SFT2D1: variants seen among roughly 807,000 people sequenced by gnomAD.
SFT2D1 encodes vesicle transport protein SFT2A.
A neutral mutation model predicts 28.1 loss-of-function variants in SFT2D1; 24 were observed. The ratio of observed to expected loss-of-function variants is 0.85; its 90% confidence interval spans 0.62 to 1.20. SFT2D1 has a LOEUF of 1.20. Among genes scored for constraint, SFT2D1 ranks in the 50% most tolerant of loss-of-function variants. The pLI is 0.00. For synonymous variants in SFT2D1, 82 were observed against 73.7 expected (o/e 1.11, Z -0.58); for missense variants, 181 against 190.9 (o/e 0.95, Z 0.31).
At chr6:166,335,426 G>A (rs145591756) in intron 1 of SFT2D1, 168 of 564,028 alleles carry the variant, frequency 3.0e-4, no homozygotes, top group African/African-American at 2.9e-3. Context: ...AAACTTTGGA[G>A]GCAGAAGCTC....
chr6:166,342,410 G>C lies in SFT2D1; in HGVS notation c.63+9C>G, dbSNP rs1330630190. ...GCCCCGGGACTGGACGAGGGCGCAA[G>C]TTCGCTACCTGCGCAGTCAGGCCCT... is the stretch of plus-strand genomic sequence containing the variant. On this transcript the variant is annotated intron_variant, in intron 1 of 7. Transcript: ENST00000361731. 3.2e-6 allele frequency: 5 copies of C among 1,552,378 alleles called. No homozygotes were observed. The highest frequency in any genetic ancestry group is 4.4e-6 in the Non-Finnish European group (5 of 1,148,610).
chr6:166,336,947 T>C (rs141481438), intron 1 of SFT2D1, among the ~76,000 whole-genome samples: 31 of 152,240 alleles, frequency 2.0e-4, no homozygotes, highest in African/African-American at 6.5e-4. Flanking sequence ...TACCATCACA[T>C]TGGGGATTAA....
At chr6:166,322,417 C>A (rs757660743) in intron 7 of SFT2D1, among the ~76,000 whole-genome samples, 1 of 151,934 alleles carries the variant, frequency 6.6e-6, no homozygotes, top group African/African-American at 2.4e-5. Flanking sequence ...TACTGCCGGG[C>A]GCGGTGGCTC....
In SFT2D1 at chr6:166,320,115, C is replaced by T. The variant is rs1340479249; in HGVS notation, c.*102G>A. ...AGACTTAGTACAAAACGGTCTTCAA[C>T]TGTCACGTCAGTTGTTCCTGGAGTG... On this transcript the variant is annotated 3_prime_UTR_variant, in exon 8 of 8. Coordinates refer to ENST00000361731, the MANE Select transcript of SFT2D1 (RefSeq NM_145169.3). The T allele has an allele frequency of 6.5e-6, 7 of 1,070,530 alleles. No individual in the cohort carries two copies. Among genetic ancestry groups the T allele is most frequent in the Admixed American group, 4.3e-5 (2 of 46,494 alleles). The allele number at this position is 1,070,530 out of a possible 1,614,324, so 66.3% of individuals were successfully genotyped here.
At chr6:166,335,297 A>C in intron 1 of SFT2D1, 1 of 579,320 alleles carries the variant, frequency 1.7e-6, no homozygotes, top group South Asian at 1.4e-5. Context: ...ATACAGTGGC[A>C]GCAGGGATGG....
chr6:166,323,883 G>C (rs1193655420), intron 6 of SFT2D1: 2 of 152,104 alleles, frequency 1.3e-5, no homozygotes, highest in African/African-American at 4.8e-5. Context: ...CCTCACATTT[G>C]TAATCCCAGC....
At chr6:166,321,940 G>A (rs1426185744) in intron 7 of SFT2D1, among the ~76,000 whole-genome samples, 1 of 152,206 alleles carries the variant, frequency 6.6e-6, no homozygotes. Context: ...CTGGAGTGCA[G>A]TGGCACGATC....
At chr6:166,327,331 C>T (rs1419496696) in intron 4 of SFT2D1, among the ~76,000 whole-genome samples, 3 of 152,098 alleles carry the variant, frequency 2.0e-5, no homozygotes, top group Admixed American at 1.3e-4. Flanking sequence ...ATACACAAAA[C>T]GATGATCAGC....
rs1344504989 is a variant in SFT2D1, at chr6:166,320,221, C to T, written c.476G>A (p.Ser159Asn). ...AVIKCCSSLL[S>N] ...TTTTCCACAAGTTTCTGATTTTCAA[C>T]TTAGGAGAGAAGAACAGCATTTAAT... Residue 159 changes from serine to asparagine, a missense_variant, in exon 8 of 8, where the codon AGT becomes AAT. Transcript: ENST00000361731. 1 of 1,611,700 alleles carries T rather than the reference C, an allele frequency of 6.2e-7. No homozygotes were observed. The highest frequency in any genetic ancestry group is 1.3e-5 in the African/African-American group (1 of 74,816).
In SFT2D1 at chr6:166,324,603, C is replaced by T; in HGVS notation, c.352-8G>A. 3.1e-6 allele frequency: 5 copies of T among 1,609,108 alleles called. No individual in the cohort carries two copies. Among genetic ancestry groups the T allele is most frequent in the Non-Finnish European group, 4.2e-6 (5 of 1,178,748 alleles). On this transcript the variant is annotated splice_polypyrimidine_tract_variant and splice_region_variant and intron_variant, in intron 5 of 7. Coordinates refer to ENST00000361731, the MANE Select transcript of SFT2D1 (RefSeq NM_145169.3). ...CAGTCCCTTCTTATGCCACTAACAA[C>T]AGCAAAAACAGAGCAATTATGAGTT...
Position 166,325,814 on chromosome 6 carries a change from A to T in SFT2D1, c.351+318T>A. The stretch of plus-strand genomic sequence containing the variant: ...CATTTAGCCACCAGCTGGGTAGGTG[A>T]GCATGTGTGCACATGTGTGTTTACT... On this transcript the variant is annotated intron_variant, in intron 5 of 7. Transcript: ENST00000361731. The T allele has an allele frequency of 8.2e-6, 3 of 367,674 alleles. No homozygotes were observed. The South Asian group carries it at 1.3e-4, about 16-fold the overall frequency. 22.8% of individuals were successfully genotyped at this position (367,674 alleles called of 1,614,324 possible).
In SFT2D1 at chr6:166,342,448, C is replaced by A; in HGVS notation, c.34G>T (p.Asp12Tyr). The change falls in exon 1 of 8, where the codon GAC (aspartate) becomes TAC (tyrosine). Residue 12 changes from aspartate (D) to tyrosine (Y), a missense_variant. Asp to Tyr is a radical substitution (Grantham distance 160). Transcript: ENST00000361731. ...EKLRRVLSGQ[D>Y]DEEQGLTAQV... The stretch of plus-strand genomic sequence containing the variant: ...GCAGTCAGGCCCTGCTCCTCGTCGT[C>A]CTGGCCGCTCAGGACTCGCCGCAGC... 1 of 1,560,276 alleles carries A rather than the reference C, an allele frequency of 6.4e-7. No individual in the cohort carries two copies. Among genetic ancestry groups the A allele is most frequent in the Non-Finnish European group, 8.7e-7 (1 of 1,152,796 alleles).
intron 1 of SFT2D1, among the ~76,000 whole-genome samples, chr6:166,337,019 T>C (rs1030721445): frequency 6.6e-6 from 1 of 152,170 alleles, no homozygotes; most frequent in African/African-American, 2.4e-5. Context: ...GTGAGTGATT[T>C]TGGGGCTGGC....
chr6:166,320,195 C>T lies in SFT2D1; in HGVS notation c.*22G>A, dbSNP rs751892686. The T allele has an allele frequency of 1.9e-6, 3 of 1,609,624 alleles. No individual in the cohort carries two copies. The highest frequency in any genetic ancestry group is 2.5e-6 in the Non-Finnish European group (3 of 1,177,922). On this transcript the variant is annotated 3_prime_UTR_variant, in exon 8 of 8. Coordinates refer to ENST00000361731, the MANE Select transcript of SFT2D1 (RefSeq NM_145169.3). Reference sequence around the variant, plus strand: ...CATAGAGTACCAACATTCAAGTGCTCTTTTCCACAAGTTTCTGATTTTCAA... The same window carrying T: ...CATAGAGTACCAACATTCAAGTGCTTTTTTCCACAAGTTTCTGATTTTCAA...
chr6:166,338,434 C>T (rs999832902), intron 1 of SFT2D1, among the ~76,000 whole-genome samples: 1 of 152,030 alleles, frequency 6.6e-6, no homozygotes, highest in Non-Finnish European at 1.5e-5. Flanking sequence ...GGAAAATGGG[C>T]AATAAACTAA....
chr6:166,336,397 A>AT (rs1778651581), intron 1 of SFT2D1, among the ~76,000 whole-genome samples: 1 of 152,248 alleles, frequency 6.6e-6, no homozygotes, highest in African/African-American at 2.4e-5. Context: ...ATGGTACCAG[A>AT]TAACATTATA....
intron 1 of SFT2D1, among the ~76,000 whole-genome samples, chr6:166,330,937 T>C (rs1413386546): frequency 5.9e-5 from 9 of 152,216 alleles, no homozygotes; most frequent in Non-Finnish European, 1.3e-4. Context: ...CTAAGCTCTT[T>C]CAGTCCAACC....
At chr6:166,336,547 T>C (rs1450030086) in intron 1 of SFT2D1, among the ~76,000 whole-genome samples, 1 of 152,188 alleles carries the variant, frequency 6.6e-6, no homozygotes, top group Non-Finnish European at 1.5e-5. Flanking sequence ...TGGAAGTCCA[T>C]GATCAAGGCG....
chr6:166,335,469 C>T (rs1778629058), intron 1 of SFT2D1: 1 of 531,204 alleles, frequency 1.9e-6, no homozygotes, highest in Middle Eastern at 6.3e-4. Flanking sequence ...CAATACTTTG[C>T]CAAATTTTAC....
Sources: gnomAD v4.1 joint callset for allele counts (sites outside exome capture counted in the v4.1 genomes callset) on GRCh38, gnomAD v4.1.1 for gene constraint, MANE v1.5 for transcripts, NCBI Gene and HGNC (gene_info 2026-07-23, HGNC 2026-07-21) for gene names.